The following MAP7 variants were observed in gnomAD, a reference collection of about 807,000 sequenced individuals.
MAP7 encodes ensconsin.
Under a neutral mutation model 94.8 loss-of-function variants are expected in MAP7, and 52 were observed. The observed-to-expected ratio is 0.55, with a 90% CI of 0.44 to 0.69. The LOEUF is 0.69. Among genes scored for constraint, MAP7 ranks in the 30% least tolerant of loss-of-function variants. The pLI is 0.00. For missense variants in MAP7, 940 were observed against 964.6 expected, an observed-to-expected ratio of 0.97 and a Z score of 0.34; for synonymous variants, 350 against 357.0, an observed-to-expected ratio of 0.98 and a Z score of 0.22.
intron 1 of MAP7, among the ~76,000 whole-genome samples, chr6:136,425,637 A>G (rs1446010770): frequency 2.0e-5 from 3 of 152,152 alleles, no homozygotes; most frequent in Non-Finnish European, 4.4e-5. Context: ...GTAACACTCG[A>G]ATCATAGGTA....
intron 16 of MAP7, among the ~76,000 whole-genome samples, chr6:136,354,059 C>A: frequency 6.8e-6 from 1 of 147,704 alleles, no homozygotes; most frequent in South Asian, 2.1e-4. Context: ...AAATTTTAAA[C>A]CTAAATTTAT....
At chr6:136,547,077 C>T (rs1280625626) in intron 1 of MAP7, among the ~76,000 whole-genome samples, 19 of 152,208 alleles carry the variant, frequency 1.2e-4, no homozygotes, top group Admixed American at 1.2e-3. Context: ...AAATTGACGT[C>T]TGAGCCCTTA....
At chr6:136,504,533 CA>C in intron 1 of MAP7, among the ~76,000 whole-genome samples, 1 of 152,076 alleles carries the variant, frequency 6.6e-6, no homozygotes, top group East Asian at 1.9e-4. Flanking sequence ...TTAGTAGAGA[CA>C]GGGGTTCACC....
At chr6:136,526,444 C>T in intron 1 of MAP7, 1 of 986,594 alleles carries the variant, frequency 1.0e-6, no homozygotes, top group Non-Finnish European at 1.2e-6. Flanking sequence ...AAATATTCAG[C>T]CCACAGCAGA....
At chr6:136,464,888 G>A (rs1399475687) in intron 1 of MAP7, among the ~76,000 whole-genome samples, 1 of 152,170 alleles carries the variant, frequency 6.6e-6, no homozygotes, top group Non-Finnish European at 1.5e-5. Flanking sequence ...TCTAGTGTGA[G>A]GAAAGACAAT....
intron 1 of MAP7, chr6:136,466,772 G>A: frequency 1.3e-6 from 2 of 1,535,270 alleles, no homozygotes; most frequent in Non-Finnish European, 1.7e-6. Flanking sequence ...GTACAGTTTA[G>A]TGTCTTCCAT....
Position 136,411,664 on chromosome 6 carries a change from T to A in MAP7, c.200A>T (p.Gln67Leu), listed in dbSNP as rs868402868. 6.4e-7 allele frequency: 1 copy of A among 1,567,752 alleles called. No individual in the cohort carries two copies. Among genetic ancestry groups the A allele is most frequent in the South Asian group, 1.2e-5 (1 of 85,398 alleles). Residue 67 changes from glutamine to leucine, a missense_variant, in exon 3 of 18, where the codon CAG becomes CTG. Coordinates refer to ENST00000354570, the MANE Select transcript of MAP7 (RefSeq NM_003980.6). ...CTCACGTCGCTCCCGGGCCAGCCGC[T>A]GCCGGTCATCAACACGTAACACAGG... is the stretch of plus-strand genomic sequence containing the variant. ...PPPVLRVDDR[Q>L]RLARERREER...
chr6:136,407,705 A>G (rs772107385), intron 3 of MAP7, among the ~76,000 whole-genome samples: 11 of 152,218 alleles, frequency 7.2e-5, no homozygotes, highest in Non-Finnish European at 1.5e-4. Flanking sequence ...ACCACTGGGT[A>G]GCTACAAGTG....
At chr6:136,366,531 G>T (rs1458533994) in intron 8 of MAP7, 92 bp from the exon 9 acceptor site, 14 of 889,660 alleles carry the variant, frequency 1.6e-5, no homozygotes, top group Non-Finnish European at 2.4e-5. Context: ...ACCATTGAAT[G>T]ACTTTTAAGA....
chr6:136,418,190 G>C (rs558806778), intron 2 of MAP7, among the ~76,000 whole-genome samples: 1 of 152,230 alleles, frequency 6.6e-6, no homozygotes, highest in African/African-American at 2.4e-5. Flanking sequence ...AACACCACGA[G>C]GGACTTCTGT....
intron 1 of MAP7, among the ~76,000 whole-genome samples, chr6:136,482,242 C>G (rs1813070361): frequency 6.6e-6 from 1 of 152,114 alleles, no homozygotes; most frequent in African/African-American, 2.4e-5. Context: ...AACAGCAGTA[C>G]CATTTGACCC....
intron 16 of MAP7, among the ~76,000 whole-genome samples, chr6:136,354,086 C>G (rs916227786): frequency 2.8e-5 from 4 of 145,094 alleles, no homozygotes; most frequent in Non-Finnish European, 6.0e-5. Context: ...AAAAATAATA[C>G]AAGTAACTCT....
intron 1 of MAP7, among the ~76,000 whole-genome samples, chr6:136,428,523 G>GAATAAATAAATAAATA (rs373164215): frequency 7.7e-4 from 117 of 151,604 alleles, no homozygotes; most frequent in East Asian, 6.4e-3. Context: ...CTGTCTCAAA[G>GAATAAATAAATAAATA]AATAAATAAA....
At chr6:136,411,945 C>T (rs1787611600) in intron 2 of MAP7, among the ~76,000 whole-genome samples, 1 of 152,132 alleles carries the variant, frequency 6.6e-6, no homozygotes, top group South Asian at 2.1e-4. Context: ...AGCCTTTTGG[C>T]TATTTTCATC....
chr6:136,448,943 C>T (rs185850417), intron 1 of MAP7, among the ~76,000 whole-genome samples: 243 of 151,846 alleles, frequency 1.6e-3, no homozygotes, highest in Middle Eastern at 0.01. Flanking sequence ...GCATCTGTTC[C>T]CCCACTTAAA....
chr6:136,525,261 G>A (rs1281988109), intron 1 of MAP7, among the ~76,000 whole-genome samples: 1 of 152,146 alleles, frequency 6.6e-6, no homozygotes, highest in Admixed American at 6.5e-5. Context: ...ACAACCTCAT[G>A]ATCTCCTCCC....
In MAP7 at chr6:136,401,154, GC is replaced by G. The variant is rs1346136099; in HGVS notation, c.244+10465del. Among the ~76,000 whole-genome samples, 7 of 152,236 alleles carry G rather than the reference GC, an allele frequency of 4.6e-5. No individual in the cohort carries two copies. The South Asian group carries it at 1.0e-3, about 23-fold the overall frequency. On this transcript the variant is annotated intron_variant, in intron 3 of 17. Transcript: ENST00000354570. ...GCTTGAGCTCAGGAGTTTGAGACTA[GC>G]ATGGGCAACATAGCAAGACCCCCAT... is the stretch of plus-strand genomic sequence containing the variant.
At chr6:136,448,271 T>C (rs1158461268) in intron 1 of MAP7, among the ~76,000 whole-genome samples, 1 of 152,224 alleles carries the variant, frequency 6.6e-6, no homozygotes, top group Non-Finnish European at 1.5e-5. Flanking sequence ...AACAATGCTC[T>C]GGTGTCTGTG....
intron 6 of MAP7, among the ~76,000 whole-genome samples, chr6:136,382,258 T>C (rs937367495): frequency 3.3e-5 from 5 of 152,218 alleles, no homozygotes; most frequent in Admixed American, 3.3e-4. Flanking sequence ...GTTTGTTGTC[T>C]AGCTCCCTAC....
Sources: gnomAD v4.1 joint callset for allele counts (sites outside exome capture counted in the v4.1 genomes callset) on GRCh38, gnomAD v4.1.1 for gene constraint, MANE v1.5 for transcripts, NCBI Gene and HGNC (gene_info 2026-07-23, HGNC 2026-07-21) for gene names.